The following DOK6 variants were observed in gnomAD, a reference collection of about 807,000 sequenced individuals.
DOK6 encodes downstream of tyrosine kinase 6.
In DOK6, 22 loss-of-function variants were observed where a neutral mutation model predicts 44.0. The ratio of observed to expected loss-of-function variants is 0.50; its 90% confidence interval spans 0.36 to 0.71. The LOEUF is 0.71. Ranked by LOEUF, DOK6 falls within the 30% of genes least tolerant of loss-of-function variation. The pLI, the probability that DOK6 is intolerant of heterozygous loss-of-function variation, is 0.00. For synonymous variants in DOK6, 166 were observed against 145.5 expected, an observed-to-expected ratio of 1.14 and a Z score of -1.01; for missense variants, 340 against 416.4, an observed-to-expected ratio of 0.82 and a Z score of 1.60.
intron 2 of DOK6, among the ~76,000 whole-genome samples, chr18:69,577,148 G>C (rs572565813): frequency 2.0e-3 from 299 of 152,176 alleles, no homozygotes; most frequent in African/African-American, 6.9e-3. Flanking sequence ...GAAAATAAAG[G>C]CATCCTTGTG....
intron 1 of DOK6, among the ~76,000 whole-genome samples, chr18:69,502,994 C>T (rs2144549798): frequency 6.6e-6 from 1 of 152,126 alleles, no homozygotes; most frequent in East Asian, 1.9e-4. Flanking sequence ...TGGTGTTAGC[C>T]TTAACTAAAT....
At chr18:69,687,837 T>TA (rs1434374600) in intron 4 of DOK6, among the ~76,000 whole-genome samples, 2 of 152,170 alleles carry the variant, frequency 1.3e-5, no homozygotes, top group African/African-American at 4.8e-5. Context: ...TCATTACTTC[T>TA]AATCAAACTT....
At chr18:69,781,278 G>A (rs1980258822) in intron 7 of DOK6, 2 of 152,126 alleles carry the variant, frequency 1.3e-5, no homozygotes, top group African/African-American at 4.8e-5. Flanking sequence ...AAGCCTGACT[G>A]ATGTTTTCTC....
intron 4 of DOK6, among the ~76,000 whole-genome samples, chr18:69,678,276 C>A (rs1047997442): frequency 6.6e-6 from 1 of 152,122 alleles, no homozygotes; most frequent in Non-Finnish European, 1.5e-5. Flanking sequence ...ATAAACTGAA[C>A]AGTTCAAGTT....
At chr18:69,580,822 A>C (rs113666233) in intron 2 of DOK6, among the ~76,000 whole-genome samples, 4 of 152,080 alleles carry the variant, frequency 2.6e-5, no homozygotes, top group Non-Finnish European at 5.9e-5. Context: ...ACAACTTCTC[A>C]ATATTCCCCA....
chr18:69,584,371 C>G (rs923002070), intron 2 of DOK6, among the ~76,000 whole-genome samples: 2 of 152,090 alleles, frequency 1.3e-5, no homozygotes, highest in African/African-American at 4.8e-5. Context: ...ACTGCAACCT[C>G]CACCTCTGGG....
intron 1 of DOK6, among the ~76,000 whole-genome samples, chr18:69,404,070 G>A (rs1430577099): frequency 6.6e-6 from 1 of 152,148 alleles, no homozygotes; most frequent in African/African-American, 2.4e-5. Flanking sequence ...ATCAAAGTCT[G>A]TGATATTCTA....
rs1200030281 is a variant in DOK6 at position 69,844,690 on chromosome 18, C to T, written c.*3307C>T. ...TGTATGAAGCAATAGGTTCTGGCCA[C>T]TGCCACAATTTGAAATCAATAAAAT... On this transcript the variant is annotated 3_prime_UTR_variant, in exon 8 of 8. Coordinates refer to ENST00000382713, the MANE Select transcript of DOK6 (RefSeq NM_152721.6). 1.3e-5 allele frequency: 2 copies of T among 152,120 alleles called. No individual in the cohort carries two copies. The highest frequency in any genetic ancestry group is 4.8e-5 in the African/African-American group (2 of 41,416). 9.4% of individuals were successfully genotyped at this position (152,120 alleles called of 1,614,324 possible).
intron 2 of DOK6, among the ~76,000 whole-genome samples, chr18:69,581,766 C>T (rs1228697001): frequency 6.6e-6 from 1 of 152,122 alleles, no homozygotes; most frequent in Non-Finnish European, 1.5e-5. Context: ...ACATTTCTGG[C>T]AAATGAGATA....
intron 1 of DOK6, among the ~76,000 whole-genome samples, chr18:69,547,453 G>A (rs1387452456): frequency 6.6e-6 from 1 of 151,184 alleles, no homozygotes; most frequent in Non-Finnish European, 1.5e-5. Context: ...CTATCACAAG[G>A]CTAGCACCAA....
At chr18:69,598,881 G>C (rs769304851) in intron 2 of DOK6, among the ~76,000 whole-genome samples, 49 of 152,044 alleles carry the variant, frequency 3.2e-4, no homozygotes, top group Non-Finnish European at 5.4e-4. Context: ...CATTTTTCTG[G>C]AGAGCAAGTC....
intron 1 of DOK6, among the ~76,000 whole-genome samples, chr18:69,414,126 C>T (rs1306749709): frequency 6.6e-6 from 1 of 152,002 alleles, no homozygotes; most frequent in Non-Finnish European, 1.5e-5. Flanking sequence ...ATAGCTGGGT[C>T]ACTCATTACT....
At chr18:69,730,346 G>A (rs1236626255) in intron 5 of DOK6, among the ~76,000 whole-genome samples, 1 of 152,194 alleles carries the variant, frequency 6.6e-6, no homozygotes, top group Non-Finnish European at 1.5e-5. Context: ...TAAAGATAAT[G>A]AGATATTAGA....
rs530326917 is a variant in DOK6, at chr18:69,491,596, C to A, written c.67-72891C>A. 1.3e-3 allele frequency among the ~76,000 whole-genome samples: 192 copies of A among 152,278 alleles called. 1 individual carries two copies. Among genetic ancestry groups the A allele is most frequent in the African/African-American group, 4.4e-3 (181 of 41,566 alleles). ...GTCCTATGTATGATATGAGTCTCATCATAAATTTGCAAAATGTTTAGGTTG... is the reference window on the plus strand; with the variant it reads ...GTCCTATGTATGATATGAGTCTCATAATAAATTTGCAAAATGTTTAGGTTG... On this transcript the variant is annotated intron_variant, in intron 1 of 7. Transcript: ENST00000382713.
chr18:69,460,039 G>A (rs1462031796), intron 1 of DOK6, among the ~76,000 whole-genome samples: 2 of 151,970 alleles, frequency 1.3e-5, no homozygotes, highest in Non-Finnish European at 2.9e-5. Flanking sequence ...TCCAAATGTA[G>A]CCAGTGAGAG....
chr18:69,606,285 T>A (rs1392511871), intron 3 of DOK6, among the ~76,000 whole-genome samples: 1 of 35,516 alleles, frequency 2.8e-5, no homozygotes, highest in African/African-American at 6.0e-5. Context: ...AATAAATAAA[T>A]AAATAAATAA....
chr18:69,774,309 G>T lies in DOK6; in HGVS notation c.856+16436G>T, dbSNP rs912951938. 5.3e-5 allele frequency among the ~76,000 whole-genome samples: 8 copies of T among 151,302 alleles called. No individual in the cohort carries two copies. The East Asian group carries it at 1.6e-3, about 30-fold the overall frequency. ...TCATAAGCGGGAGCTAAGCTATGAG[G>T]ATGCAAAGGCCTAAGAATGACACAA... On this transcript the variant is annotated intron_variant, in intron 7 of 7. Transcript: ENST00000382713.
At chr18:69,725,001 A>C (rs1978298983) in intron 5 of DOK6, 1 of 152,230 alleles carries the variant, frequency 6.6e-6, no homozygotes, top group Non-Finnish European at 1.5e-5. Flanking sequence ...CTTTCCAGAA[A>C]ACCAAAACTC....
At chr18:69,481,477 G>T (rs1980419685) in intron 1 of DOK6, among the ~76,000 whole-genome samples, 4 of 151,988 alleles carry the variant, frequency 2.6e-5, no homozygotes, top group Admixed American at 2.6e-4. Flanking sequence ...TGCGGTGTTT[G>T]GTTTTTTGTC....
Sources: allele counts gnomAD v4.1 joint callset (sites outside exome capture counted in the v4.1 genomes callset), GRCh38; gene constraint gnomAD v4.1.1; transcripts MANE v1.5; gene names NCBI Gene and HGNC (gene_info 2026-07-23, HGNC 2026-07-21).